KALRN: variants seen among roughly 807,000 people sequenced by gnomAD.
The protein encoded by KALRN is kalirin.
A neutral mutation model predicts 353.7 loss-of-function variants in KALRN; 70 were observed. That is an observed-to-expected ratio of 0.20 (90% CI 0.16 to 0.24). The LOEUF is 0.24. KALRN is among the 10% of genes least tolerant of loss of function. The pLI, the probability that KALRN is intolerant of heterozygous loss-of-function variation, is 1.00. For synonymous variants in KALRN, 1,391 were observed against 1,434.8 expected (o/e 0.97, Z 0.69); for missense variants, 2,791 against 3,756.7 (o/e 0.74, Z 6.72).
rs144411195 is a variant in KALRN at position 124,522,402 on chromosome 3, C to T, written c.4935+25989C>T. ...GTGCATTTGACATGATTTAACATGT[C>T]GCTGTGGGCCTAGCTCTGAATAGCC... On this transcript the variant is annotated intron_variant, in intron 33 of 59. Transcript: ENST00000682506. Among the ~76,000 whole-genome samples, 43 of 152,028 alleles carry T rather than the reference C, an allele frequency of 2.8e-4. No homozygotes were observed. The East Asian group carries it at 7.5e-3, about 27-fold the overall frequency.
intron 15 of KALRN, among the ~76,000 whole-genome samples, chr3:124,429,544 G>A (rs2093178223): frequency 1.3e-5 from 2 of 152,166 alleles, no homozygotes; most frequent in Non-Finnish European, 2.9e-5. Flanking sequence ...CCCTAATAAA[G>A]AAAGTGTTTG....
chr3:124,487,290 A>G (rs957279033), intron 28 of KALRN, among the ~76,000 whole-genome samples: 9 of 152,196 alleles, frequency 5.9e-5, no homozygotes, highest in Non-Finnish European at 1.3e-4. Flanking sequence ...TCCTCCACCA[A>G]CCAGATACTA....
chr3:124,412,245 C>T (rs2092223668), intron 13 of KALRN, among the ~76,000 whole-genome samples: 1 of 152,092 alleles, frequency 6.6e-6, no homozygotes, highest in Admixed American at 6.5e-5. Context: ...GCTCCTGGAG[C>T]AGCAGTTTTT....
At chr3:124,596,696 A>G (rs375579173) in intron 34 of KALRN, among the ~76,000 whole-genome samples, 2 of 152,296 alleles carry the variant, frequency 1.3e-5, no homozygotes, top group Admixed American at 6.5e-5. Context: ...ATGTATGTAA[A>G]TCACTTGCAC....
chr3:124,419,469 A>T (rs2092679935), intron 14 of KALRN, among the ~76,000 whole-genome samples: 1 of 152,016 alleles, frequency 6.6e-6, no homozygotes, highest in East Asian at 1.9e-4. Context: ...CATACAGAGC[A>T]AACCTAAGCC....
rs1047937156 is a variant in KALRN at position 124,665,865 on chromosome 3, A to G, written c.6346-584A>G. ...TACCCCCAACTTTACCTGTTGGCCT[A>G]TAACTAGAAACTAAGATTTCAGAAT... is the stretch of plus-strand genomic sequence containing the variant. On this transcript the variant is annotated intron_variant, in intron 45 of 59. Transcript: ENST00000682506. 2.0e-5 allele frequency among the ~76,000 whole-genome samples: 3 copies of G among 152,248 alleles called. No homozygotes were observed. In the East Asian group the frequency reaches 5.8e-4, roughly 29 times the overall value.
intron 6 of KALRN, among the ~76,000 whole-genome samples, chr3:124,311,448 G>C (rs2078262447): frequency 1.4e-5 from 2 of 145,016 alleles, no homozygotes; most frequent in Non-Finnish European, 3.0e-5. Flanking sequence ...CTGGGCAACA[G>C]AGCAAGACTC....
chr3:124,040,255 A>C (rs2039835325), intron 1 of KALRN, among the ~76,000 whole-genome samples: 1 of 152,232 alleles, frequency 6.6e-6, no homozygotes, highest in Non-Finnish European at 1.5e-5. Flanking sequence ...ATAAGGGGTG[A>C]ACTAGAGGTT....
chr3:124,455,588 C>T (rs2107571959), intron 22 of KALRN, among the ~76,000 whole-genome samples: 1 of 152,334 alleles, frequency 6.6e-6, no homozygotes, highest in East Asian at 1.9e-4. Context: ...ACAAAATCGA[C>T]TGGCCAGTAG....
At chr3:124,114,445 C>G (rs912760144) in intron 1 of KALRN, among the ~76,000 whole-genome samples, 4 of 152,186 alleles carry the variant, frequency 2.6e-5, no homozygotes, top group Admixed American at 6.5e-5. Flanking sequence ...ACAGATGATG[C>G]TGATCTTGTG....
chr3:124,198,253 A>G (rs1274278694), intron 1 of KALRN, among the ~76,000 whole-genome samples: 2 of 152,168 alleles, frequency 1.3e-5, no homozygotes, highest in Non-Finnish European at 2.9e-5. Flanking sequence ...TGGACCTTGG[A>G]CAACACTGGG....
intron 34 of KALRN, among the ~76,000 whole-genome samples, chr3:124,623,857 G>A: frequency 6.6e-6 from 1 of 152,180 alleles, no homozygotes; most frequent in African/African-American, 2.4e-5. Flanking sequence ...ACAATGGACT[G>A]GTTAGGATAT....
At chr3:124,581,833 A>G (rs2074660068) in intron 34 of KALRN, among the ~76,000 whole-genome samples, 2 of 152,148 alleles carry the variant, frequency 1.3e-5, no homozygotes, top group Admixed American at 6.5e-5. Context: ...CAAAATAGGT[A>G]TTGTCTTTGG....
intron 1 of KALRN, among the ~76,000 whole-genome samples, chr3:124,217,451 G>T (rs2077442642): frequency 6.6e-6 from 1 of 152,064 alleles, no homozygotes; most frequent in Non-Finnish European, 1.5e-5. Flanking sequence ...ATTTCCATGG[G>T]ATCTGTGTAT....
At chr3:124,068,550 C>T (rs1577737941) in intron 1 of KALRN, among the ~76,000 whole-genome samples, 1 of 152,214 alleles carries the variant, frequency 6.6e-6, no homozygotes, top group East Asian at 1.9e-4. Flanking sequence ...ACCTGACATA[C>T]TCAATATCTG....
intron 34 of KALRN, among the ~76,000 whole-genome samples, chr3:124,586,752 C>G (rs919094859): frequency 6.6e-6 from 1 of 152,094 alleles, no homozygotes; most frequent in African/African-American, 2.4e-5. Flanking sequence ...GGTGGGTGCC[C>G]GGGGCCTTCT....
chr3:124,683,424 T>G (rs567701865), intron 51 of KALRN, among the ~76,000 whole-genome samples: 41 of 152,278 alleles, frequency 2.7e-4, no homozygotes, highest in African/African-American at 9.6e-4. Context: ...CTCACTTCTG[T>G]TTTTGTACCT....
At chr3:124,679,664 GAAAC>G (rs1559838583) in intron 51 of KALRN, 147 bp downstream of exon 51, 3 of 777,096 alleles carry the variant, frequency 3.9e-6, no homozygotes, top group East Asian at 2.5e-5. Flanking sequence ...AGCTATAAAA[GAAAC>G]AAACAAAAAC....
At chr3:124,279,051 C>G (rs2075078588) in intron 5 of KALRN, among the ~76,000 whole-genome samples, 1 of 152,224 alleles carries the variant, frequency 6.6e-6, no homozygotes, top group Non-Finnish European at 1.5e-5. Flanking sequence ...TGCACCTGTT[C>G]TCTCTGAACT....
Sources: allele counts gnomAD v4.1 joint callset (sites outside exome capture counted in the v4.1 genomes callset), GRCh38; gene constraint gnomAD v4.1.1; transcripts MANE v1.5; gene names NCBI Gene and HGNC (gene_info 2026-07-23, HGNC 2026-07-21).